Variants in MR1 observed in about 807,000 individuals in gnomAD.
MR1 encodes the protein major histocompatibility complex, class I-related.
MR1 carries 44 observed loss-of-function variants against 37.8 expected under a neutral mutation model. The observed-to-expected ratio is 1.16, with a 90% CI of 0.91 to 1.50. The LOEUF is 1.50. Ranked by LOEUF, MR1 falls within the 40% of genes most tolerant of loss-of-function variation. The pLI, the probability that MR1 is intolerant of heterozygous loss-of-function variation, is 0.00. For synonymous variants in MR1, 153 were observed against 155.8 expected, an observed-to-expected ratio of 0.98 and a Z score of 0.13; for missense variants, 386 against 419.1, an observed-to-expected ratio of 0.92 and a Z score of 0.69.
In MR1 at chr1:181,052,485, C is replaced by G; in HGVS notation, c.855C>G (p.Val285=). ...LYSCHVEHCG[V]HMVLQVPQES... The stretch of plus-strand genomic sequence containing the variant: ...CCTGTCATGTGGAGCACTGCGGTGT[C>G]CACATGGTTCTTCAGGTCCCCCAGG... The change falls in exon 4 of 6, where the codon GTC becomes GTG. Residue 285 remains valine, a synonymous_variant. Coordinates refer to ENST00000367580, the MANE Select transcript of MR1 (RefSeq NM_001385161.1). The G allele has an allele frequency of 6.2e-7, 1 of 1,612,856 alleles. No homozygotes were observed. Among genetic ancestry groups the G allele is most frequent in the South Asian group, 1.1e-5 (1 of 91,064 alleles).
At position 181,055,272 on chromosome 1, in the gene MR1, A is replaced by G. The variant is rs1382937490; in HGVS notation, c.*7A>G. 2.5e-6 allele frequency: 4 copies of G among 1,611,376 alleles called. No individual in the cohort carries two copies. Among genetic ancestry groups the G allele is most frequent in the Admixed American group, 1.7e-5 (1 of 60,004 alleles). ...TCCAACACCAGATCGATGATTGCAG[A>G]TCCCTCTTTTCCAGTTCTCCTTCCT... is the stretch of plus-strand genomic sequence containing the variant. On this transcript the variant is annotated 3_prime_UTR_variant, in exon 6 of 6. Transcript: ENST00000367580.
rs1052081616 is a variant in MR1, at chr1:181,059,419, A to G, written c.*4154A>G. 2 of 152,150 alleles carry G rather than the reference A, an allele frequency of 1.3e-5. No homozygotes were observed. The highest frequency in any genetic ancestry group is 2.4e-5 in the African/African-American group (1 of 41,428). The allele number at this position is 152,150 out of a possible 1,614,324, so 9.4% of individuals were successfully genotyped here. ...CCAAAACCTATTGGTTTAAAACAATACCCATTTTATTTTCTTTCATAGTTT... is the reference window on the plus strand; with the variant it reads ...CCAAAACCTATTGGTTTAAAACAATGCCCATTTTATTTTCTTTCATAGTTT... On this transcript the variant is annotated 3_prime_UTR_variant, in exon 6 of 6. Coordinates refer to ENST00000367580, the MANE Select transcript of MR1 (RefSeq NM_001385161.1).
At chr1:181,038,349 G>A (rs1426237040) in intron 1 of MR1, among the ~76,000 whole-genome samples, 1 of 152,166 alleles carries the variant, frequency 6.6e-6, no homozygotes, top group Non-Finnish European at 1.5e-5. Flanking sequence ...CCTGAGATGT[G>A]TCCAAAGGTC....
chr1:181,058,300 A>G lies in MR1; in HGVS notation c.*3035A>G, dbSNP rs543270102. The G allele has an allele frequency of 6.9e-6, 1 of 145,560 alleles. No homozygotes were observed. Among genetic ancestry groups the G allele is most frequent in the African/African-American group, 2.5e-5 (1 of 39,252 alleles). The allele number at this position is 145,560 out of a possible 1,614,324, so 9.0% of individuals were successfully genotyped here. ...GAACACTAGATGAGAAACCTGTTCAACTCTGTTCTTTTTTTTTTTTTTAAC... is the reference window on the plus strand; with the variant it reads ...GAACACTAGATGAGAAACCTGTTCAGCTCTGTTCTTTTTTTTTTTTTTAAC... On this transcript the variant is annotated 3_prime_UTR_variant, in exon 6 of 6. Transcript: ENST00000367580.
At chr1:181,041,081 CAAT>C (rs1201726781) in intron 1 of MR1, among the ~76,000 whole-genome samples, 1 of 146,470 alleles carries the variant, frequency 6.8e-6, no homozygotes. Flanking sequence ...GACTCTGTCT[CAAT>C]AAATAAATAA....
intron 4 of MR1, 25 bp from the exon 5 acceptor site, chr1:181,053,548 T>C (rs1470815097): frequency 8.3e-6 from 13 of 1,571,572 alleles, no homozygotes; most frequent in Non-Finnish European, 1.1e-5. Context: ...GACTTGTGGA[T>C]TTTTTCTCAT....
chr1:181,034,210 C>T, intron 1 of MR1, 136 bp downstream of exon 1: 2 of 664,254 alleles, frequency 3.0e-6, no homozygotes, highest in Non-Finnish European at 4.9e-6. Flanking sequence ...ACTCAGACTC[C>T]AGGAGCAATG....
At position 181,045,050 on chromosome 1, in the gene MR1, G is replaced by C. The variant is rs1657776654; in HGVS notation, c.68-4002G>C. Among the ~76,000 whole-genome samples the C allele has an allele frequency of 3.9e-5, 6 of 152,162 alleles. No homozygotes were observed. The South Asian group carries it at 1.2e-3, about 32-fold the overall frequency. ...ATACAAAGGGCAATCTCTCAAGGTGGGGGGATAGAACATATTTCAAGTTTG... is the reference window on the plus strand; with the variant it reads ...ATACAAAGGGCAATCTCTCAAGGTGCGGGGATAGAACATATTTCAAGTTTG... On this transcript the variant is annotated intron_variant, in intron 1 of 5. Transcript: ENST00000367580.
chr1:181,039,593 C>T (rs1052664091), intron 1 of MR1, among the ~76,000 whole-genome samples: 7 of 152,094 alleles, frequency 4.6e-5, no homozygotes, highest in Non-Finnish European at 8.8e-5. Flanking sequence ...AGGCCGGGCG[C>T]GGTGGCTCAC....
At chr1:181,039,047 C>T (rs956011929) in intron 1 of MR1, among the ~76,000 whole-genome samples, 4 of 152,044 alleles carry the variant, frequency 2.6e-5, no homozygotes, top group Admixed American at 2.0e-4. Flanking sequence ...TCAGGTGATC[C>T]GCCTGCCTTG....
intron 2 of MR1, 193 bp downstream of exon 2, chr1:181,049,505 A>G: frequency 1.5e-6 from 1 of 656,848 alleles, no homozygotes; most frequent in Non-Finnish European, 2.6e-6. Flanking sequence ...CTCCCCCAGG[A>G]GCACTCTGTC....
In MR1 at chr1:181,039,999, G is replaced by T. The variant is rs116018451; in HGVS notation, c.67+5925G>T. Among the ~76,000 whole-genome samples, 1,037 of 152,224 alleles carry T rather than the reference G, an allele frequency of 6.8e-3. 16 individuals carry two copies. The highest frequency in any genetic ancestry group is 0.024 in the African/African-American group (982 of 41,540). On this transcript the variant is annotated intron_variant, in intron 1 of 5. Transcript: ENST00000367580. ...AATGGCCCAACTGGTTAATGGACAG[G>T]TTAAAGGGAACATGATTTAGAACTA...
rs530999086 is a variant in MR1, at chr1:181,058,608, T to G, written c.*3343T>G. The G allele has an allele frequency of 3.9e-5, 6 of 152,382 alleles. No homozygotes were observed. The East Asian group carries it at 9.6e-4, about 24-fold the overall frequency. The allele number at this position is 152,382 out of a possible 1,614,324, so 9.4% of individuals were successfully genotyped here. ...CTGAGGAATGACTTGGTTTCTCCTCTTCTTTTTTTGGCCTGAGAGAAGATG... is the reference window on the plus strand; with the variant it reads ...CTGAGGAATGACTTGGTTTCTCCTCGTCTTTTTTTGGCCTGAGAGAAGATG... On this transcript the variant is annotated 3_prime_UTR_variant, in exon 6 of 6. Transcript: ENST00000367580.
chr1:181,051,304 T>A (rs902333941), intron 3 of MR1: 1 of 150,848 alleles, frequency 6.6e-6, no homozygotes, highest in Non-Finnish European at 1.5e-5. Context: ...TAGAAAAGGA[T>A]CTTGGATTAA....
chr1:181,060,847 G>A lies in MR1; in HGVS notation c.*5582G>A, dbSNP rs767481536. On this transcript the variant is annotated 3_prime_UTR_variant, in exon 6 of 6. Coordinates refer to ENST00000367580, the MANE Select transcript of MR1 (RefSeq NM_001385161.1). ...GTAAGAAGGTCAAGTTCAACCAGAG[G>A]GGAGATGCTGATGCCTTTCAGTACT... 2.6e-5 allele frequency: 4 copies of A among 152,218 alleles called. No homozygotes were observed. Among genetic ancestry groups the A allele is most frequent in the South Asian group, 2.1e-4 (1 of 4,830 alleles). The allele number at this position is 152,218 out of a possible 1,614,324, so 9.4% of individuals were successfully genotyped here.
At chr1:181,048,630 C>T (rs947229470) in intron 1 of MR1, among the ~76,000 whole-genome samples, 7 of 152,114 alleles carry the variant, frequency 4.6e-5, no homozygotes, top group African/African-American at 9.7e-5. Flanking sequence ...CTCATTTATT[C>T]ACCAGAGGCT....
At chr1:181,054,212 C>T (rs1658480715) in intron 5 of MR1, among the ~76,000 whole-genome samples, 1 of 152,172 alleles carries the variant, frequency 6.6e-6, no homozygotes, top group Non-Finnish European at 1.5e-5. Context: ...GATATATAGG[C>T]TCTTGATAAT....
chr1:181,033,404 C>G (rs1243623250), upstream of MR1: 1 of 151,182 alleles, frequency 6.6e-6, no homozygotes, highest in Non-Finnish European at 1.5e-5. Context: ...GCTGATTGAG[C>G]AAGCTGAGTG....
intron 3 of MR1, chr1:181,050,995 A>G (rs1272667198): frequency 6.6e-6 from 1 of 152,030 alleles, no homozygotes; most frequent in Non-Finnish European, 1.5e-5. Flanking sequence ...AAAAAAAAGT[A>G]TTAATGATAA....
Sources: gnomAD v4.1 joint callset for allele counts (sites outside exome capture counted in the v4.1 genomes callset) on GRCh38, gnomAD v4.1.1 for gene constraint, MANE v1.5 for transcripts, NCBI Gene and HGNC (gene_info 2026-07-23, HGNC 2026-07-21) for gene names.